MAK: variants seen among roughly 807,000 people sequenced by gnomAD.
The protein encoded by MAK is serine/threonine-protein kinase MAK.
In MAK, 65 loss-of-function variants were observed where a neutral mutation model predicts 82.6. The ratio of observed to expected loss-of-function variants is 0.79; its 90% CI spans 0.64 to 0.97. The LOEUF (loss-of-function observed/expected upper bound fraction) is 0.97, where lower values mean the gene tolerates loss of function less well. MAK is among the 50% of genes least tolerant of loss of function. MAK has a pLI of 0.00. For missense variants in MAK, 703 were observed against 780.2 expected, an observed-to-expected ratio of 0.90 and a Z score of 1.18; for synonymous variants, 250 against 274.2, an observed-to-expected ratio of 0.91 and a Z score of 0.87.
rs147357042 is a variant in MAK at position 10,818,974 on chromosome 6, G to T, written c.102-34C>A. On this transcript the variant is annotated intron_variant, in intron 2 of 14. Coordinates refer to ENST00000354489, the MANE Select transcript of MAK (RefSeq NM_001242957.3). Reference sequence around the variant, plus strand: ...AATTAGGGAAAGTTTAGTGTTCAGGGATTGAGGATTCAAAGACACACATTA... The same window carrying T: ...AATTAGGGAAAGTTTAGTGTTCAGGTATTGAGGATTCAAAGACACACATTA... 93 of 1,218,360 alleles carry T rather than the reference G, an allele frequency of 7.6e-5. 1 individual carries two copies. The East Asian group carries it at 1.7e-3, about 22-fold the overall frequency. The allele number at this position is 1,218,360 out of a possible 1,614,324, so 75.5% of individuals were successfully genotyped here.
At chr6:10,782,409 C>T (rs1260174712) in intron 11 of MAK, among the ~76,000 whole-genome samples, 1 of 152,078 alleles carries the variant, frequency 6.6e-6, no homozygotes, top group Non-Finnish European at 1.5e-5. Flanking sequence ...AGTCCTAAAG[C>T]CTCAATTCAC....
intron 8 of MAK, chr6:10,797,770 A>C (rs1775677825): frequency 8.1e-7 from 1 of 1,240,436 alleles, no homozygotes; most frequent in Non-Finnish European, 1.0e-6. Context: ...GGCAGTTTTT[A>C]GAGGAACAGA....
At chr6:10,817,484 C>A (rs1046907831) in intron 4 of MAK, among the ~76,000 whole-genome samples, 3 of 152,326 alleles carry the variant, frequency 2.0e-5, no homozygotes, top group African/African-American at 7.2e-5. Context: ...TCCATTCTTT[C>A]ATTAACCTTC....
In MAK at chr6:10,773,044, C is replaced by G. The variant is rs1208624988; in HGVS notation, c.1662G>C (p.Glu554Asp). 17 of 1,530,030 alleles carry G rather than the reference C, an allele frequency of 1.1e-5. No homozygotes were observed. Among genetic ancestry groups the G allele is most frequent in the Non-Finnish European group, 1.5e-5 (17 of 1,141,848 alleles). 94.8% of individuals were successfully genotyped at this position (1,530,030 alleles called of 1,614,324 possible). A position where few individuals can be genotyped will look rare whatever the true frequency, so the allele number is the denominator to read the frequency against. The change falls in exon 13 of 15, where the codon GAG becomes GAC. Residue 554 changes from glutamate (E) to aspartate (D), a missense_variant. Coordinates refer to ENST00000354489, the MANE Select transcript of MAK (RefSeq NM_001242957.3). ...ACGCCCAGAAATTACCTTGTGGGTC[C>G]TCTAATTTTTCAGGAAAAGTTTCAT... is the stretch of plus-strand genomic sequence containing the variant. The part of the protein sequence containing the change: ...SCNETFPEKL[E>D]DPQGNLGSYA...
At chr6:10,832,921 CAT>C (rs752848203) in intron 1 of MAK, among the ~76,000 whole-genome samples, 184 of 152,290 alleles carry the variant, frequency 1.2e-3, no homozygotes, top group African/African-American at 4.2e-3. Context: ...AACCCAAAAA[CAT>C]GTGTGACTTG....
chr6:10,827,135 T>C (rs948805535), intron 2 of MAK, among the ~76,000 whole-genome samples: 1 of 151,962 alleles, frequency 6.6e-6, no homozygotes, highest in Non-Finnish European at 1.5e-5. Flanking sequence ...AAATACCATA[T>C]TTTTGAAGGA....
At chr6:10,804,107 T>G (rs1776225190) in intron 6 of MAK, among the ~76,000 whole-genome samples, 1 of 152,002 alleles carries the variant, frequency 6.6e-6, no homozygotes, top group African/African-American at 2.4e-5. Context: ...TGGAGACAAA[T>G]GTCTATGAAA....
chr6:10,770,523 C>T (rs1772906236), intron 13 of MAK, among the ~76,000 whole-genome samples: 1 of 152,114 alleles, frequency 6.6e-6, no homozygotes, highest in Non-Finnish European at 1.5e-5. Context: ...GTGTTCAGTT[C>T]ACCCTGAACA....
At position 10,806,248 on chromosome 6, in the gene MAK, C is replaced by T. The variant is rs543090364; in HGVS notation, c.492-2357G>A. On this transcript the variant is annotated intron_variant, in intron 6 of 14. Coordinates refer to ENST00000354489, the MANE Select transcript of MAK (RefSeq NM_001242957.3). Reference sequence around the variant, plus strand: ...GGAGTGCAATGGCGCGATCTCGGGTCACTGCAACCTCCACCTCCCGGGTTC... The same window carrying T: ...GGAGTGCAATGGCGCGATCTCGGGTTACTGCAACCTCCACCTCCCGGGTTC... Among the ~76,000 whole-genome samples the T allele has an allele frequency of 8.6e-5, 13 of 150,834 alleles. No individual in the cohort carries two copies. The South Asian group carries it at 2.7e-3, about 32-fold the overall frequency.
chr6:10,767,322 G>A (rs1401773285), intron 14 of MAK, among the ~76,000 whole-genome samples: 1 of 152,136 alleles, frequency 6.6e-6, no homozygotes, highest in East Asian at 1.9e-4. Context: ...AGCCCTGGGA[G>A]GATTAATGAG....
rs1474006762 is a variant in MAK at position 10,801,974 on chromosome 6, A to G, written c.749T>C (p.Ile250Thr). 1.2e-6 allele frequency: 2 copies of G among 1,614,052 alleles called. No individual in the cohort carries two copies. The highest frequency in any genetic ancestry group is 2.7e-5 in the African/African-American group (2 of 74,934). ...QCVPINLKTL[I>T]PNASNEAIQL... ...AATAGCTTCATTACTGGCATTGGGA[A>G]TAAGAGTTTTTAAGTTTATAGGAAC... The change falls in exon 8 of 15, where the codon ATT becomes ACT. Residue 250 changes from isoleucine to threonine, a missense_variant. Transcript: ENST00000354489.
chr6:10,815,926 ATATATATATATATATATATATG>A (rs1478809769), intron 4 of MAK, among the ~76,000 whole-genome samples: 6 of 123,170 alleles, frequency 4.9e-5, no homozygotes, highest in African/African-American at 1.5e-4. Flanking sequence ...ATATATATAT[ATATATATATATATATATATATG>A]TATGTTTTCT....
intron 10 of MAK, among the ~76,000 whole-genome samples, 184 bp downstream of exon 10, chr6:10,791,491 T>G (rs1001129091): frequency 1.1e-4 from 17 of 152,252 alleles, no homozygotes; most frequent in Non-Finnish European, 2.1e-4. Context: ...AGTTTCAAAC[T>G]CCTGGCCTCA....
At chr6:10,833,406 A>C (rs1441962168) in intron 1 of MAK, among the ~76,000 whole-genome samples, 1 of 152,130 alleles carries the variant, frequency 6.6e-6, no homozygotes, top group Non-Finnish European at 1.5e-5. Context: ...GGTGTTTGAG[A>C]CCAGCCTGAC....
rs1581692409 is a variant in MAK, at chr6:10,793,340, G to A, written c.1144-1493C>T. ...ACAAATGGATCAACGTCAATCTAGA[G>A]AAAGGTTCTAGTAGCCTGCCCAAGA... On this transcript the variant is annotated intron_variant, in intron 9 of 14. Transcript: ENST00000354489. The surrounding 1 kb of genome is among the most constrained non-coding windows in gnomAD (Gnocchi z 4.6). Among the ~76,000 whole-genome samples, 1 of 152,186 alleles carries A rather than the reference G, an allele frequency of 6.6e-6. No individual in the cohort carries two copies. The highest frequency in any genetic ancestry group is 6.5e-5 in the Admixed American group (1 of 15,268).
At chr6:10,832,710 G>A (rs540374029) in intron 1 of MAK, among the ~76,000 whole-genome samples, 52 of 152,280 alleles carry the variant, frequency 3.4e-4, no homozygotes, top group African/African-American at 1.2e-3. Flanking sequence ...CGTTGGACAG[G>A]CTGGTCTCAA....
intron 11 of MAK, among the ~76,000 whole-genome samples, chr6:10,781,646 A>G (rs1220750059): frequency 6.6e-6 from 1 of 151,618 alleles, no homozygotes; most frequent in African/African-American, 2.4e-5. Context: ...CTAGTCTCGA[A>G]CTCCTGACTT....
chr6:10,813,671 G>C lies in MAK; in HGVS notation c.331C>G (p.Gln111Glu), dbSNP rs1218616433. The change falls in exon 5 of 15, where the codon CAA becomes GAA. Residue 111 changes from glutamine to glutamate, a missense_variant. Coordinates refer to ENST00000354489, the MANE Select transcript of MAK (RefSeq NM_001242957.3). Reference protein sequence around the residue: ...VIRNIMYQILQGLAFIHKHGF... With the variant: ...VIRNIMYQILEGLAFIHKHGF... The stretch of plus-strand genomic sequence containing the variant: ...TGTTTATGGATAAAAGCCAGCCCTT[G>C]CAATATTTGATACATAATATTTCTG... The C allele has an allele frequency of 6.2e-7, 1 of 1,604,858 alleles. No homozygotes were observed. Among genetic ancestry groups the C allele is most frequent in the Non-Finnish European group, 8.5e-7 (1 of 1,171,802 alleles).
At chr6:10,785,682 A>T (rs1401181909) in intron 10 of MAK, among the ~76,000 whole-genome samples, 1 of 152,176 alleles carries the variant, frequency 6.6e-6, no homozygotes, top group Non-Finnish European at 1.5e-5. Context: ...CATTCCCAAA[A>T]CTACTCACTC....
Sources: gnomAD v4.1 joint callset for allele counts (sites outside exome capture counted in the v4.1 genomes callset) on GRCh38, gnomAD v4.1.1 for gene constraint, Gnocchi (gnomAD v3.1) non-coding constraint, MANE v1.5 for transcripts, NCBI Gene and HGNC (gene_info 2026-07-23, HGNC 2026-07-21) for gene names.